Variants in TGFBRAP1 observed in about 807,000 individuals in gnomAD.
The protein encoded by TGFBRAP1 is transforming growth factor beta receptor associated protein 1, also known as transforming growth factor-beta receptor-associated protein 1.
Under a neutral mutation model 83.2 loss-of-function variants are expected in TGFBRAP1, and 20 were observed. The ratio of observed to expected loss-of-function variants is 0.24; its 90% CI spans 0.17 to 0.35. TGFBRAP1 has a LOEUF of 0.35. Among genes scored for constraint, TGFBRAP1 ranks in the 10% least tolerant of loss-of-function variants. TGFBRAP1 has a pLI of 1.00. For synonymous variants in TGFBRAP1, 415 were observed against 459.8 expected, an observed-to-expected ratio of 0.90 and a Z score of 1.25; for missense variants, 950 against 1,099.4, an observed-to-expected ratio of 0.86 and a Z score of 1.92.
intron 4 of TGFBRAP1, among the ~76,000 whole-genome samples, chr2:105,290,643 G>A (rs1232675882): frequency 6.6e-6 from 1 of 151,416 alleles, no homozygotes; most frequent in Non-Finnish European, 1.5e-5. Context: ...GTGTGTGTGT[G>A]TGTGTGTGTG....
Position 105,298,675 on chromosome 2 carries a change from T to C in TGFBRAP1, c.719A>G (p.Gln240Arg), listed in dbSNP as rs200095791. 2.5e-6 allele frequency: 4 copies of C among 1,598,880 alleles called. No homozygotes were observed. The Admixed American group carries it at 5.1e-5, about 20-fold the overall frequency. ...GMFATVAGIS[Q>R]RAPVHWSENV... ...CTCCGACCAGTGCACGGGGGCGCGC[T>C]GGGATATCCCTGCGACTGTGGCAAA... is the stretch of plus-strand genomic sequence containing the variant. The change falls in exon 3 of 12, where the codon CAG becomes CGG. Residue 240 changes from glutamine to arginine, a missense_variant. Gln to Arg is a conservative substitution (Grantham distance 43). Coordinates refer to ENST00000393359, the MANE Select transcript of TGFBRAP1 (RefSeq NM_004257.6).
chr2:105,269,482 C>T lies in TGFBRAP1; in HGVS notation c.2196G>A (p.Glu732=). 6.2e-7 allele frequency: 1 copy of T among 1,613,452 alleles called. No homozygotes were observed. The highest frequency in any genetic ancestry group is 8.5e-7 in the Non-Finnish European group (1 of 1,179,840). Residue 732 remains glutamate, a synonymous_variant, in exon 11 of 12, where the codon GAG becomes GAA. Coordinates refer to ENST00000393359, the MANE Select transcript of TGFBRAP1 (RefSeq NM_004257.6). This position sits in a 1 kb window ranked among gnomAD's most constrained non-coding sequence, Gnocchi z 4.1. Reference sequence around the variant, plus strand: ...GCAGGTCCACGGCAGCCACGGCCAGCTCGTGGGCAGTGGGGCCAGCATGCA... The same window carrying T: ...GCAGGTCCACGGCAGCCACGGCCAGTTCGTGGGCAGTGGGGCCAGCATGCA... ...IYLHAGPTAH[E]LAVAAVDLLN... is the part of the protein sequence containing the mutation.
intron 4 of TGFBRAP1, among the ~76,000 whole-genome samples, chr2:105,294,156 C>T (rs905745914): frequency 3.9e-5 from 6 of 152,128 alleles, no homozygotes; most frequent in Non-Finnish European, 8.8e-5. Flanking sequence ...CAGTCATTAC[C>T]GAATTCTTTT....
intron 11 of TGFBRAP1, among the ~76,000 whole-genome samples, chr2:105,268,925 T>C (rs1677043910): frequency 6.6e-6 from 1 of 152,232 alleles, no homozygotes; most frequent in Non-Finnish European, 1.5e-5. Flanking sequence ...AAAACTGTCA[T>C]GATGACAAAA....
chr2:105,276,819 A>G (rs1055140099), intron 7 of TGFBRAP1, among the ~76,000 whole-genome samples: 3 of 152,204 alleles, frequency 2.0e-5, no homozygotes, highest in Non-Finnish European at 4.4e-5. Flanking sequence ...AGGTTACCAC[A>G]ATAGTCTCAC....
chr2:105,301,153 C>T (rs1454229590), intron 2 of TGFBRAP1, among the ~76,000 whole-genome samples: 3 of 152,040 alleles, frequency 2.0e-5, no homozygotes, highest in African/African-American at 4.8e-5. Flanking sequence ...ACCGGGGAGG[C>T]GGAGGTTGCA....
intron 1 of TGFBRAP1, among the ~76,000 whole-genome samples, chr2:105,308,954 A>G (rs1390968112): frequency 6.6e-6 from 1 of 152,218 alleles, no homozygotes; most frequent in African/African-American, 2.4e-5. Flanking sequence ...AGGCAGGCGC[A>G]TCAGCCTCAG....
At chr2:105,291,508 T>A (rs758548249) in intron 4 of TGFBRAP1, among the ~76,000 whole-genome samples, 2 of 152,130 alleles carry the variant, frequency 1.3e-5, no homozygotes, top group Non-Finnish European at 2.9e-5. Context: ...CACCACAGCC[T>A]AAGGTGGTAG....
chr2:105,307,600 T>G lies in TGFBRAP1; in HGVS notation c.688+14A>C, dbSNP rs796496890. 5.7e-6 allele frequency: 9 copies of G among 1,591,456 alleles called. No individual in the cohort carries two copies. The African/African-American group carries it at 9.4e-5, about 17-fold the overall frequency. ...CACCCAAAAAGATCAGGCGCACAAATGCATCCTCCTCACCCAGCCCTCCGG... is the reference window on the plus strand; with the variant it reads ...CACCCAAAAAGATCAGGCGCACAAAGGCATCCTCCTCACCCAGCCCTCCGG... On this transcript the variant is annotated intron_variant, in intron 2 of 11. Transcript: ENST00000393359.
At chr2:105,271,049 C>T (rs1266345309) in intron 10 of TGFBRAP1, among the ~76,000 whole-genome samples, 1 of 152,224 alleles carries the variant, frequency 6.6e-6, no homozygotes, top group Non-Finnish European at 1.5e-5. Context: ...GAAAGCTCCC[C>T]TGTGCTACCT....
intron 4 of TGFBRAP1, among the ~76,000 whole-genome samples, chr2:105,296,058 G>A (rs989283925): frequency 2.0e-5 from 3 of 152,098 alleles, no homozygotes; most frequent in Non-Finnish European, 4.4e-5. Context: ...GAAGGTCCAC[G>A]GAAGAGGAAA....
Position 105,280,740 on chromosome 2 carries a change from A to T in TGFBRAP1, c.1122-17T>A. ...TGGCCGCTTCTGCAATTACAGTGTC[A>T]AACTAAATGAAGCAAAAAGAGAGAA... On this transcript the variant is annotated splice_polypyrimidine_tract_variant and intron_variant, in intron 5 of 11. Coordinates refer to ENST00000393359, the MANE Select transcript of TGFBRAP1 (RefSeq NM_004257.6). The T allele has an allele frequency of 2.5e-6, 4 of 1,602,268 alleles. No homozygotes were observed. The highest frequency in any genetic ancestry group is 3.4e-6 in the Non-Finnish European group (4 of 1,173,620).
At chr2:105,254,544 A>G in the TGFBRAP1 span, among the ~76,000 whole-genome samples, 1 of 152,094 alleles carries the variant, frequency 6.6e-6, no homozygotes. Context: ...CCCAGAAACC[A>G]ATTTGGGCTG....
At chr2:105,321,597 T>C (rs1008301255) in intron 1 of TGFBRAP1, among the ~76,000 whole-genome samples, 4 of 152,324 alleles carry the variant, frequency 2.6e-5, no homozygotes, top group East Asian at 3.9e-4. Context: ...CATGAAGCCA[T>C]AGACAGATAG....
chr2:105,273,282 T>A (rs992996279), intron 9 of TGFBRAP1, among the ~76,000 whole-genome samples: 1 of 152,148 alleles, frequency 6.6e-6, no homozygotes, highest in African/African-American at 2.4e-5. Flanking sequence ...GCTCCCTTTA[T>A]TTCCTTTAAG....
At position 105,308,391 on chromosome 2, in the gene TGFBRAP1, C is replaced by T. The variant is rs987067218; in HGVS notation, c.-17-73G>A. ...AGAAACAGAGGCTGCAATAATGATA[C>T]GTGGATTCCCTAGTTGTCATTTTCA... On this transcript the variant is annotated intron_variant, in intron 1 of 11. Transcript: ENST00000393359. The T allele has an allele frequency of 4.3e-5, 57 of 1,331,738 alleles. 1 individual carries two copies. The highest frequency in any genetic ancestry group is 4.3e-4 in the Admixed American group (16 of 37,532). 82.5% of individuals were successfully genotyped at this position (1,331,738 alleles called of 1,614,324 possible).
chr2:105,267,976 G>A, intron 11 of TGFBRAP1: 1 of 766,180 alleles, frequency 1.3e-6, no homozygotes, highest in Non-Finnish European at 1.6e-6. Context: ...AACAAATAAG[G>A]GATGTAGTCA....
chr2:105,299,521 T>G (rs577330490), intron 2 of TGFBRAP1, among the ~76,000 whole-genome samples: 1 of 152,086 alleles, frequency 6.6e-6, no homozygotes, highest in African/African-American at 2.4e-5. Flanking sequence ...AGAGGGTCAC[T>G]GCATTTACCT....
chr2:105,283,956 C>T (rs888205296), intron 5 of TGFBRAP1, among the ~76,000 whole-genome samples: 10 of 152,294 alleles, frequency 6.6e-5, no homozygotes, highest in African/African-American at 2.4e-4. Flanking sequence ...TGTAAAAACA[C>T]TGGAGAGAAG....
Sources: gnomAD v4.1 joint callset for allele counts (sites outside exome capture counted in the v4.1 genomes callset) on GRCh38, gnomAD v4.1.1 for gene constraint, Gnocchi (gnomAD v3.1) non-coding constraint, MANE v1.5 for transcripts, NCBI Gene and HGNC (gene_info 2026-07-23, HGNC 2026-07-21) for gene names.